The following PAX9 variants were observed in gnomAD, a reference collection of about 807,000 sequenced individuals.
PAX9 encodes paired box protein Pax-9.
A neutral mutation model predicts 29.1 loss-of-function variants in PAX9; 6 were observed. That is an observed-to-expected ratio of 0.21 (90% CI 0.11 to 0.41). The LOEUF is 0.41. Ranked by LOEUF, PAX9 falls within the 10% of genes least tolerant of loss-of-function variation. The pLI is 1.00. For synonymous variants in PAX9, 217 were observed against 211.7 expected (o/e 1.03, Z -0.22); for missense variants, 443 against 479.1 (o/e 0.92, Z 0.70).
rs536017500 is a variant in PAX9 at position 36,676,518 on chromosome 14, C to G, written c.*66C>G. On this transcript the variant is annotated 3_prime_UTR_variant, in exon 4 of 4. Coordinates refer to ENST00000361487, the MANE Select transcript of PAX9 (RefSeq NM_001372076.1). ...GTCTCAGCACCTCCTCCCCCAATTC[C>G]CAGGTCTCACATCCCACCCCTCCTG... 48 of 1,577,548 alleles carry G rather than the reference C, an allele frequency of 3.0e-5. No homozygotes were observed. In the Admixed American group the frequency reaches 7.9e-4, roughly 26 times the overall value.
upstream of PAX9, among the ~76,000 whole-genome samples, chr14:36,660,020 G>T (rs997219570): frequency 6.6e-6 from 1 of 152,116 alleles, no homozygotes; most frequent in Non-Finnish European, 1.5e-5. Context: ...CAGATTTGGC[G>T]CAGAGGTCGA....
At chr14:36,670,595 A>G (rs1237714000) in intron 3 of PAX9, among the ~76,000 whole-genome samples, 1 of 152,076 alleles carries the variant, frequency 6.6e-6, no homozygotes, top group East Asian at 1.9e-4. Context: ...TGATTTATAG[A>G]CAATGAAATC....
At position 36,666,592 on chromosome 14, in the gene PAX9, G is replaced by C; in HGVS notation, c.762G>C (p.Lys254Asn). 5 of 1,567,132 alleles carry C rather than the reference G, an allele frequency of 3.2e-6. No individual in the cohort carries two copies. The highest frequency in any genetic ancestry group is 4.3e-6 in the Non-Finnish European group (5 of 1,155,620). Residue 254 changes from lysine (K) to asparagine (N), a missense_variant, in exon 3 of 4, where the codon AAG becomes AAC. Physicochemically the swap from Lys to Asn is moderately conservative, Grantham distance 94. Coordinates refer to ENST00000361487, the MANE Select transcript of PAX9 (RefSeq NM_001372076.1). ...LEKGALEQEA[K>N]YGQAPNGLPA... is the part of the protein sequence containing the mutation. The stretch of plus-strand genomic sequence containing the variant: ...AGGGAGCCCTGGAGCAGGAAGCCAA[G>C]TACGGTCAGGTGAGGAGGCGAGGGT...
At chr14:36,670,139 G>A (rs1394748803) in intron 3 of PAX9, among the ~76,000 whole-genome samples, 1 of 151,958 alleles carries the variant, frequency 6.6e-6, no homozygotes, top group Non-Finnish European at 1.5e-5. Context: ...TATAGTTCTT[G>A]AAAAATTTTC....
upstream of PAX9, among the ~76,000 whole-genome samples, chr14:36,659,909 C>G (rs535437947): frequency 6.6e-6 from 1 of 152,196 alleles, no homozygotes; most frequent in Non-Finnish European, 1.5e-5. Flanking sequence ...CCCCAGACCC[C>G]CCGCGGGACA....
upstream of PAX9, chr14:36,658,465 T>C (rs1160155038): frequency 1.3e-5 from 2 of 151,678 alleles, no homozygotes; most frequent in Non-Finnish European, 2.9e-5. Flanking sequence ...TAACTGCAAC[T>C]CGGAATAGAA....
At chr14:36,668,847 C>A (rs965109539) in intron 3 of PAX9, among the ~76,000 whole-genome samples, 6 of 151,970 alleles carry the variant, frequency 3.9e-5, no homozygotes, top group Admixed American at 3.3e-4. Flanking sequence ...AAATAGATTA[C>A]ATTTTATATA....
intron 3 of PAX9, among the ~76,000 whole-genome samples, chr14:36,669,891 C>T (rs936801375): frequency 1.3e-5 from 2 of 151,880 alleles, no homozygotes; most frequent in African/African-American, 4.8e-5. Flanking sequence ...TTTTTATACC[C>T]ACAGTTAATA....
intron 2 of PAX9, 124 bp from the exon 3 acceptor site, chr14:36,666,338 C>A: frequency 1.5e-6 from 2 of 1,339,500 alleles, no homozygotes; most frequent in Non-Finnish European, 1.0e-6. Context: ...CTCGGGAGGC[C>A]AAGGGCAGGG....
chr14:36,666,654 C>A, intron 3 of PAX9, 53 bp downstream of exon 3: 2 of 1,547,082 alleles, frequency 1.3e-6, no homozygotes, highest in South Asian at 2.4e-5. Context: ...GGGATTTAGG[C>A]GATGGAACAC....
chr14:36,662,957 C>A lies in PAX9; in HGVS notation c.65C>A (p.Pro22His). The change falls in exon 2 of 4, where the codon CCC becomes CAC. Residue 22 changes from proline to histidine, a missense_variant. By Grantham distance (77) the Pro-to-His change is moderately conservative (BLOSUM62 -2). This residue lies in a region of PAX9 where 107 missense variants were observed against 161.9 expected (regional missense o/e 0.66). Transcript: ENST00000361487. The part of the protein sequence containing the change: ...GGVFVNGRPL[P>H]NAIRLRIVEL... ...GTGTTCGTGAACGGGAGGCCGCTGC[C>A]CAACGCCATCCGGCTTCGCATCGTG... is the stretch of plus-strand genomic sequence containing the variant. The A allele has an allele frequency of 1.2e-6, 2 of 1,613,398 alleles. No individual in the cohort carries two copies. Among genetic ancestry groups the A allele is most frequent in the Non-Finnish European group, 1.7e-6 (2 of 1,179,940 alleles).
chr14:36,663,778 A>C (rs995278438), intron 2 of PAX9, among the ~76,000 whole-genome samples: 3 of 151,756 alleles, frequency 2.0e-5, no homozygotes, highest in Admixed American at 1.3e-4. Context: ...CATCCCCAAC[A>C]CATGGTTCGC....
intron 2 of PAX9, among the ~76,000 whole-genome samples, chr14:36,664,780 T>G (rs1016224194): frequency 9.2e-5 from 14 of 152,314 alleles, no homozygotes; most frequent in Admixed American, 2.6e-4. Flanking sequence ...GCCACCACAT[T>G]GGCACAATTA....
At chr14:36,667,894 TA>T (rs1182503204) in intron 3 of PAX9, among the ~76,000 whole-genome samples, 1 of 152,230 alleles carries the variant, frequency 6.6e-6, no homozygotes, top group East Asian at 1.9e-4. Context: ...AAAGGCAGAA[TA>T]GTACAATGGT....
At chr14:36,676,165 G>A in intron 3 of PAX9, 33 bp from the exon 4 acceptor site, 1 of 1,612,686 alleles carries the variant, frequency 6.2e-7, no homozygotes, top group Non-Finnish European at 8.5e-7. Flanking sequence ...CCTATAATGT[G>A]ATTATTTTTC....
chr14:36,673,284 G>T (rs1239857485), intron 3 of PAX9, among the ~76,000 whole-genome samples: 1 of 152,098 alleles, frequency 6.6e-6, no homozygotes, highest in Non-Finnish European at 1.5e-5. Context: ...GGATTTAAGA[G>T]AACTTTGAAA....
At chr14:36,658,636 G>T (rs8011668), upstream of PAX9, 50,207 of 152,146 alleles carry the variant, frequency 0.33, 8,610 homozygotes, top group East Asian at 0.45. Context: ...TAGTGCTTGG[G>T]TCTGACTTCG....
intron 3 of PAX9, among the ~76,000 whole-genome samples, chr14:36,669,260 A>G (rs1415888142): frequency 6.6e-6 from 1 of 152,224 alleles, no homozygotes; most frequent in Non-Finnish European, 1.5e-5. Flanking sequence ...ATAAACATAC[A>G]AAGGTAAAGT....
chr14:36,662,152 A>G (rs1594466048), intron 1 of PAX9, 59 bp downstream of exon 1: 1 of 423,216 alleles, frequency 2.4e-6, no homozygotes, highest in Non-Finnish European at 4.5e-6. Context: ...GCGAGCGGGC[A>G]AGGGAGGGAG....
Sources: gnomAD v4.1 joint callset for allele counts (sites outside exome capture counted in the v4.1 genomes callset) on GRCh38, gnomAD v4.1.1 for gene constraint, gnomAD v4.1.1 regional missense constraint, MANE v1.5 for transcripts, NCBI Gene and HGNC (gene_info 2026-07-23, HGNC 2026-07-21) for gene names.